Variants in GNG7 observed in about 807,000 individuals in gnomAD.
GNG7 encodes the protein G protein subunit gamma 7.
In GNG7, 1 loss-of-function variant was observed where a neutral mutation model predicts 4.0. The observed-to-expected ratio is 0.25, with a 90% CI of 0.09 to 1.18. GNG7 has a LOEUF of 1.18. Ranked by LOEUF, GNG7 falls within the 50% of genes most tolerant of loss-of-function variation. The pLI is 0.50. For synonymous variants in GNG7, 34 were observed against 36.9 expected, an observed-to-expected ratio of 0.92 and a Z score of 0.29; for missense variants, 86 against 91.9, an observed-to-expected ratio of 0.94 and a Z score of 0.26.
At chr19:2,521,589 C>G (rs1371652678) in intron 3 of GNG7, among the ~76,000 whole-genome samples, 1 of 148,070 alleles carries the variant, frequency 6.8e-6, no homozygotes, top group African/African-American at 2.5e-5. Flanking sequence ...ACAGCAGAAC[C>G]CCTGGTGACT....
At chr19:2,550,519 C>T (rs548350473) in intron 3 of GNG7, among the ~76,000 whole-genome samples, 5 of 152,296 alleles carry the variant, frequency 3.3e-5, no homozygotes, top group South Asian at 2.1e-4. Flanking sequence ...GGAGCCACCG[C>T]TCCCGGCCAC....
chr19:2,651,802 G>A (rs1247872352), intron 1 of GNG7, among the ~76,000 whole-genome samples: 1 of 151,804 alleles, frequency 6.6e-6, no homozygotes, highest in Admixed American at 6.6e-5. Flanking sequence ...CTGGGCTCAG[G>A]CAATCCACCT....
At chr19:2,629,623 T>C (rs1411112761) in intron 2 of GNG7, among the ~76,000 whole-genome samples, 1 of 151,970 alleles carries the variant, frequency 6.6e-6, no homozygotes, top group Non-Finnish European at 1.5e-5. Flanking sequence ...CACAGACTAG[T>C]GGGAGAAGAC....
At chr19:2,655,872 A>G (rs1158219495) in intron 1 of GNG7, among the ~76,000 whole-genome samples, 1 of 145,238 alleles carries the variant, frequency 6.9e-6, no homozygotes, top group African/African-American at 2.6e-5. Context: ...ACATATATAT[A>G]TAAATTAGCC....
intron 1 of GNG7, among the ~76,000 whole-genome samples, chr19:2,652,646 C>G (rs751427562): frequency 6.6e-6 from 1 of 150,864 alleles, no homozygotes; most frequent in South Asian, 2.1e-4. Flanking sequence ...CAAAACCTCC[C>G]AAATACATAG....
intron 3 of GNG7, among the ~76,000 whole-genome samples, chr19:2,524,757 C>A (rs760694720): frequency 2.0e-5 from 3 of 152,054 alleles, no homozygotes; most frequent in Non-Finnish European, 4.4e-5. Flanking sequence ...TGTGTGGACA[C>A]GGCACTGCAT....
chr19:2,542,905 TTTTTG>T (rs1313851165), intron 3 of GNG7, among the ~76,000 whole-genome samples: 9 of 125,798 alleles, frequency 7.2e-5, no homozygotes, highest in African/African-American at 1.5e-4. Flanking sequence ...TTTTTGGTGG[TTTTTG>T]TTTTGTTTTG....
intron 2 of GNG7, among the ~76,000 whole-genome samples, chr19:2,613,630 C>T (rs1981636270): frequency 6.6e-6 from 1 of 151,690 alleles, no homozygotes; most frequent in South Asian, 2.1e-4. Flanking sequence ...ATTCCCCTAA[C>T]CTGGGCGGGG....
chr19:2,569,653 A>C (rs547049580), intron 2 of GNG7, among the ~76,000 whole-genome samples: 172 of 152,256 alleles, frequency 1.1e-3, no homozygotes, highest in African/African-American at 4.0e-3. Context: ...CTCTCTTAGC[A>C]CTGTGGACAC....
At chr19:2,665,394 T>C (rs1983283948) in intron 1 of GNG7, among the ~76,000 whole-genome samples, 1 of 150,668 alleles carries the variant, frequency 6.6e-6, no homozygotes. Context: ...CCTGCCGTGC[T>C]GGACAGTCCT....
At chr19:2,696,599 C>A (rs922429016) in intron 1 of GNG7, among the ~76,000 whole-genome samples, 2 of 152,224 alleles carry the variant, frequency 1.3e-5, no homozygotes, top group Non-Finnish European at 1.5e-5. Context: ...CACAGCCCGG[C>A]CTGTCCACGC....
intron 2 of GNG7, among the ~76,000 whole-genome samples, chr19:2,575,555 ACACACGCAGG>A (rs1174991645): frequency 6.9e-5 from 6 of 86,428 alleles, no homozygotes; most frequent in Non-Finnish European, 1.2e-4. Context: ...GCACACGCAG[ACACACGCAGG>A]CACACGCAGA....
intron 1 of GNG7, among the ~76,000 whole-genome samples, chr19:2,677,625 T>G (rs796895677): frequency 6.6e-6 from 1 of 151,848 alleles, no homozygotes; most frequent in African/African-American, 2.4e-5. Flanking sequence ...CCCTCCCCAC[T>G]CAGGGTGTGG....
chr19:2,580,611 T>C (rs1206830276), intron 2 of GNG7, among the ~76,000 whole-genome samples: 1 of 151,656 alleles, frequency 6.6e-6, no homozygotes. Context: ...TTCTGTTTTA[T>C]TTTATTTTAG....
chr19:2,575,712 GGCACACGCAGACACGCAGGCACAC>G (rs1237321243), intron 2 of GNG7, among the ~76,000 whole-genome samples: 1 of 91,170 alleles, frequency 1.1e-5, no homozygotes, highest in Non-Finnish European at 2.0e-5. Context: ...CAGACAGGCA[GGCACACGCAGACACGCAGGCACAC>G]GCACACGCAG....
intron 1 of GNG7, among the ~76,000 whole-genome samples, chr19:2,684,755 G>A (rs1206862009): frequency 6.6e-6 from 1 of 152,078 alleles, no homozygotes; most frequent in Non-Finnish European, 1.5e-5. Context: ...TTGGGAGGCC[G>A]AGGCGGGTGG....
rs752604057 is a variant in GNG7 at position 2,515,048 on chromosome 19, C to T, written c.181G>A (p.Asp61Asn). The T allele has an allele frequency of 6.2e-7, 1 of 1,613,752 alleles. No individual in the cohort carries two copies. Among genetic ancestry groups the T allele is most frequent in the Non-Finnish European group, 8.5e-7 (1 of 1,179,842 alleles). ...GVPASENPFKDKKPCIIL is the reference protein window; with the variant it reads ...GVPASENPFKNKKPCIIL ...TATAAAATAATACAAGGTTTCTTGT[C>T]CTTAAAGGGGTTCTCCGAGGCAGGG... The change falls in exon 5 of 5, where the codon GAC becomes AAC. Residue 61 changes from aspartate to asparagine, a missense_variant. Asp to Asn is a conservative substitution (Grantham distance 23). Transcript: ENST00000382159.
At chr19:2,543,559 T>G (rs927821596) in intron 3 of GNG7, among the ~76,000 whole-genome samples, 8 of 152,182 alleles carry the variant, frequency 5.3e-5, no homozygotes, top group African/African-American at 1.9e-4. Context: ...GAGATGAGGG[T>G]GCAGCATTAA....
intron 1 of GNG7, among the ~76,000 whole-genome samples, chr19:2,649,834 A>G (rs943303407): frequency 6.6e-6 from 1 of 151,848 alleles, no homozygotes; most frequent in African/African-American, 2.4e-5. Flanking sequence ...CATTCTCATC[A>G]CCCTACAAAG....
Sources: allele counts gnomAD v4.1 joint callset (sites outside exome capture counted in the v4.1 genomes callset), GRCh38; gene constraint gnomAD v4.1.1; transcripts MANE v1.5; gene names NCBI Gene and HGNC (gene_info 2026-07-23, HGNC 2026-07-21).